PDE4B: variants seen among roughly 807,000 people sequenced by gnomAD.
PDE4B encodes phosphodiesterase 4B.
In PDE4B, 20 loss-of-function variants were observed where a neutral mutation model predicts 82.2. That is an observed-to-expected ratio of 0.24 (90% CI 0.17 to 0.35). The LOEUF is 0.35. PDE4B is among the 10% of genes least tolerant of loss of function. PDE4B has a pLI of 1.00. For synonymous variants in PDE4B, 320 were observed against 318.9 expected (o/e 1.00, Z -0.04); for missense variants, 655 against 907.2 (o/e 0.72, Z 3.57).
At position 66,374,458 on chromosome 1, in the gene PDE4B, A is replaced by G. The variant is rs2050895973; in HGVS notation, c.*1780A>G. The G allele has an allele frequency of 6.6e-6, 1 of 152,642 alleles. No individual in the cohort carries two copies. Among genetic ancestry groups the G allele is most frequent in the African/African-American group, 2.4e-5 (1 of 41,452 alleles). 9.5% of individuals were successfully genotyped at this position (152,642 alleles called of 1,614,324 possible). ...GAACACTGCATTGTTTCAGGTGGAC[A>G]TTTTATCATTTTCAAATGTTTCTCA... is the stretch of plus-strand genomic sequence containing the variant. On this transcript the variant is annotated 3_prime_UTR_variant, in exon 17 of 17. Coordinates refer to ENST00000341517, the MANE Select transcript of PDE4B (RefSeq NM_002600.4).
rs182706313 is a variant in PDE4B, at chr1:66,185,303, G to C, written c.282-62157G>C. On this transcript the variant is annotated intron_variant, in intron 3 of 16. Transcript: ENST00000341517. ...GTGAATAGTGCCGCAATAAACATACGTGTGCATGTGTCTTTATAGCAGCAT... is the reference window on the plus strand; with the variant it reads ...GTGAATAGTGCCGCAATAAACATACCTGTGCATGTGTCTTTATAGCAGCAT... Among the ~76,000 whole-genome samples, 742 of 152,298 alleles carry C rather than the reference G, an allele frequency of 4.9e-3. 7 individuals are homozygous for C. The highest frequency in any genetic ancestry group is 0.017 in the African/African-American group (709 of 41,558).
intron 3 of PDE4B, among the ~76,000 whole-genome samples, chr1:66,125,655 A>G (rs1645808228): frequency 6.6e-6 from 1 of 152,224 alleles, no homozygotes; most frequent in Non-Finnish European, 1.5e-5. Context: ...TTTCGCTTAA[A>G]GTTGCAGTTT....
At chr1:66,151,827 A>T (rs1203930558) in intron 3 of PDE4B, among the ~76,000 whole-genome samples, 38 of 152,166 alleles carry the variant, frequency 2.5e-4, no homozygotes, top group Admixed American at 2.5e-3. Flanking sequence ...TCAATAAATA[A>T]TTGTTGAGCT....
chr1:66,137,690 A>G (rs1405420163), intron 3 of PDE4B, among the ~76,000 whole-genome samples: 2 of 152,224 alleles, frequency 1.3e-5, no homozygotes, highest in Non-Finnish European at 2.9e-5. Context: ...TGACAGTCTC[A>G]AGAAATTCTT....
At chr1:65,908,507 TAGC>T (rs886279960) in intron 1 of PDE4B, among the ~76,000 whole-genome samples, 2 of 152,086 alleles carry the variant, frequency 1.3e-5, no homozygotes, top group African/African-American at 4.8e-5. Flanking sequence ...AGAGAAGAAA[TAGC>T]AGCAAAGCAG....
intron 3 of PDE4B, among the ~76,000 whole-genome samples, chr1:66,013,474 T>A (rs929180628): frequency 3.3e-5 from 5 of 152,192 alleles, no homozygotes; most frequent in Non-Finnish European, 7.3e-5. Flanking sequence ...ACAGTTTTTT[T>A]AAATTTAAGT....
At chr1:66,197,718 T>G (rs2225864) in intron 3 of PDE4B, among the ~76,000 whole-genome samples, 76,560 of 151,896 alleles carry the variant, frequency 0.5, 19,980 homozygotes, top group South Asian at 0.63. Context: ...TGAAAATAAA[T>G]AAACTTATTT....
intron 3 of PDE4B, among the ~76,000 whole-genome samples, chr1:66,153,710 T>C (rs1646447955): frequency 1.3e-5 from 2 of 152,192 alleles, no homozygotes; most frequent in African/African-American, 4.8e-5. Context: ...CTCATTGAAC[T>C]GAATTAATTC....
intron 3 of PDE4B, among the ~76,000 whole-genome samples, chr1:65,960,048 C>G (rs11208780): frequency 6.6e-6 from 1 of 152,078 alleles, no homozygotes; most frequent in Non-Finnish European, 1.5e-5. Flanking sequence ...TAACAAAATA[C>G]AAAATGCTTT....
intron 3 of PDE4B, among the ~76,000 whole-genome samples, chr1:65,989,537 A>T (rs1651132230): frequency 6.6e-6 from 1 of 152,126 alleles, no homozygotes; most frequent in African/African-American, 2.4e-5. Context: ...AAAATAAATA[A>T]ACCTGAGACA....
chr1:66,015,613 A>G (rs1168609275), intron 3 of PDE4B, among the ~76,000 whole-genome samples: 2 of 152,234 alleles, frequency 1.3e-5, no homozygotes, highest in African/African-American at 4.8e-5. Flanking sequence ...AGAAAATTAA[A>G]GTGCAAAGAT....
At chr1:66,270,695 T>TA (rs1372183557) in intron 7 of PDE4B, among the ~76,000 whole-genome samples, 2 of 152,006 alleles carry the variant, frequency 1.3e-5, no homozygotes, top group African/African-American at 2.4e-5. Flanking sequence ...TTACAACACT[T>TA]ACGGACAAAT....
At chr1:66,313,708 G>A (rs1293081240) in intron 7 of PDE4B, among the ~76,000 whole-genome samples, 1 of 152,186 alleles carries the variant, frequency 6.6e-6, no homozygotes, top group Non-Finnish European at 1.5e-5. Context: ...CTGAGGAAAT[G>A]GGGGTAGAGT....
intron 3 of PDE4B, among the ~76,000 whole-genome samples, chr1:65,960,371 T>A (rs1000697082): frequency 6.6e-6 from 1 of 152,116 alleles, no homozygotes; most frequent in Non-Finnish European, 1.5e-5. Flanking sequence ...CTATATTAAC[T>A]TTTGAGAAAG....
At chr1:65,828,838 G>A (rs924106237) in intron 1 of PDE4B, among the ~76,000 whole-genome samples, 1 of 152,000 alleles carries the variant, frequency 6.6e-6, no homozygotes, top group Non-Finnish European at 1.5e-5. Context: ...AAATAAAATG[G>A]AATAATAAAA....
chr1:66,341,985 A>G (rs776747811), intron 8 of PDE4B, among the ~76,000 whole-genome samples: 1 of 152,208 alleles, frequency 6.6e-6, no homozygotes, highest in South Asian at 2.1e-4. Context: ...TTTAAATCAA[A>G]TAAGTCTAAT....
chr1:66,095,301 G>A (rs1416340540), intron 3 of PDE4B, among the ~76,000 whole-genome samples: 2 of 151,682 alleles, frequency 1.3e-5, no homozygotes, highest in African/African-American at 4.8e-5. Context: ...ATAAAATTTG[G>A]GTAGTCATAC....
intron 3 of PDE4B, among the ~76,000 whole-genome samples, chr1:66,202,331 G>A (rs1649053759): frequency 6.6e-6 from 1 of 152,116 alleles, no homozygotes; most frequent in African/African-American, 2.4e-5. Flanking sequence ...CTGTTGATTT[G>A]GGGTGGAGAG....
At chr1:65,975,578 GGGAC>G (rs374888547) in intron 3 of PDE4B, among the ~76,000 whole-genome samples, 46 of 152,352 alleles carry the variant, frequency 3.0e-4, no homozygotes, top group African/African-American at 1.1e-3. Context: ...GGGCATTTCA[GGGAC>G]CTTCACTGCA....
Sources: gnomAD v4.1 joint callset for allele counts (sites outside exome capture counted in the v4.1 genomes callset) on GRCh38, gnomAD v4.1.1 for gene constraint, MANE v1.5 for transcripts, NCBI Gene and HGNC (gene_info 2026-07-23, HGNC 2026-07-21) for gene names.